Variants in CADPS observed in about 807,000 individuals in gnomAD.
CADPS encodes calcium dependent secretion activator.
In CADPS, 57 loss-of-function variants were observed where a neutral mutation model predicts 167.3. That is an observed-to-expected ratio of 0.34 (90% CI 0.28 to 0.42). CADPS has a LOEUF of 0.42. CADPS is among the 20% of genes least tolerant of loss of function. CADPS has a pLI of 1.00. For missense variants in CADPS, 1,414 were observed against 1,738.1 expected (o/e 0.81, Z 3.32); for synonymous variants, 676 against 635.3 (o/e 1.06, Z -0.96).
chr3:62,485,147 CG>C (rs149982564), intron 21 of CADPS, among the ~76,000 whole-genome samples: 14,637 of 151,796 alleles, frequency 0.096, 847 homozygotes, highest in East Asian at 0.23. Flanking sequence ...AAGAGTAAGA[CG>C]TTTTTAAGCG....
At position 62,433,536 on chromosome 3, in the gene CADPS, A is replaced by T. The variant is rs1311831880; in HGVS notation, c.3777+4568T>A. 4.6e-5 allele frequency among the ~76,000 whole-genome samples: 7 copies of T among 152,146 alleles called. No individual in the cohort carries two copies. Among genetic ancestry groups the T allele is most frequent in the African/African-American group, 1.4e-4 (6 of 41,440 alleles). Reference sequence around the variant, plus strand: ...GATTAAGTGTATAATTGACCTATATAATCCATGTATCATCTCCAGTCAAAT... The same window carrying T: ...GATTAAGTGTATAATTGACCTATATTATCCATGTATCATCTCCAGTCAAAT... On this transcript the variant is annotated intron_variant, in intron 28 of 29. Coordinates refer to ENST00000383710, the MANE Select transcript of CADPS (RefSeq NM_003716.4). The surrounding 1 kb of genome is among the most constrained non-coding windows in gnomAD (Gnocchi z 4.7).
intron 21 of CADPS, among the ~76,000 whole-genome samples, chr3:62,489,407 G>A (rs572669273): frequency 6.6e-6 from 1 of 152,284 alleles, no homozygotes; most frequent in African/African-American, 2.4e-5. Context: ...TGATCCACCC[G>A]CCTCGGCCTC....
Position 62,429,105 on chromosome 3 carries a change from TA to T in CADPS, c.3777+8998del, listed in dbSNP as rs529607614. On this transcript the variant is annotated intron_variant, in intron 28 of 29. Transcript: ENST00000383710. ...TCAGGAACTATCAGACTGCATCACA[TA>T]AATATTGTTTTATAAACTTTTGTTT... Among the ~76,000 whole-genome samples the T allele has an allele frequency of 4.7e-3, 712 of 152,366 alleles. 6 individuals carry two copies. The highest frequency in any genetic ancestry group is 0.016 in the African/African-American group (645 of 41,584).
chr3:62,776,520 G>A (rs954172239), intron 1 of CADPS, among the ~76,000 whole-genome samples: 8 of 152,192 alleles, frequency 5.3e-5, no homozygotes, highest in Non-Finnish European at 8.8e-5. Flanking sequence ...CGGGCATGGT[G>A]GCGGGCGCCT....
intron 1 of CADPS, among the ~76,000 whole-genome samples, chr3:62,843,882 G>C (rs375320554): frequency 8.6e-5 from 13 of 151,976 alleles, no homozygotes; most frequent in African/African-American, 3.1e-4. Flanking sequence ...TGAATCATTA[G>C]AAAGCAATTA....
intron 28 of CADPS, among the ~76,000 whole-genome samples, chr3:62,435,642 T>G (rs374432087): frequency 6.6e-5 from 10 of 152,172 alleles, no homozygotes; most frequent in African/African-American, 2.2e-4. Flanking sequence ...AAGAAACTTG[T>G]TATCTCTAAA....
intron 16 of CADPS, 50 bp from the exon 17 acceptor site, chr3:62,512,818 C>T (rs756346609): frequency 8.5e-6 from 13 of 1,531,852 alleles, no homozygotes; most frequent in Middle Eastern, 3.4e-4. Context: ...GAAACAAGAA[C>T]ACATATGCAG....
intron 1 of CADPS, among the ~76,000 whole-genome samples, chr3:62,774,890 A>G (rs1022303246): frequency 3.9e-5 from 6 of 152,156 alleles, no homozygotes; most frequent in African/African-American, 1.4e-4. Context: ...CCAAAGCCCA[A>G]GTGGTGGTAT....
intron 6 of CADPS, among the ~76,000 whole-genome samples, chr3:62,607,287 G>A (rs1054596693): frequency 1.3e-5 from 2 of 152,324 alleles, no homozygotes; most frequent in South Asian, 4.1e-4. Context: ...CCCACGGTGT[G>A]AGAGCTGCAC....
intron 2 of CADPS, among the ~76,000 whole-genome samples, chr3:62,760,849 T>C (rs903648835): frequency 3.9e-5 from 6 of 152,196 alleles, no homozygotes; most frequent in African/African-American, 1.4e-4. Flanking sequence ...AACCTGCAGT[T>C]TTAGCCTGCC....
At chr3:62,482,970 A>G (rs2150877510) in intron 21 of CADPS, among the ~76,000 whole-genome samples, 1 of 151,794 alleles carries the variant, frequency 6.6e-6, no homozygotes, top group Admixed American at 6.6e-5. Context: ...ACAAAACAAA[A>G]CCCCCAACTT....
intron 1 of CADPS, among the ~76,000 whole-genome samples, chr3:62,860,098 T>C (rs2080489656): frequency 6.6e-6 from 1 of 152,206 alleles, no homozygotes; most frequent in Non-Finnish European, 1.5e-5. Flanking sequence ...ATGTGGCTTT[T>C]ATATGCTTTT....
At chr3:62,564,359 C>A (rs142089035) in intron 9 of CADPS, among the ~76,000 whole-genome samples, 27 of 152,248 alleles carry the variant, frequency 1.8e-4, no homozygotes, top group Non-Finnish European at 3.8e-4. Context: ...GGCCACTTAT[C>A]CACTCTGAGC....
chr3:62,576,793 A>T (rs1281487433), intron 8 of CADPS, among the ~76,000 whole-genome samples: 3 of 146,548 alleles, frequency 2.0e-5, no homozygotes, highest in Non-Finnish European at 4.5e-5. Context: ...CTGTCTAAAA[A>T]AAAAAAAAAA....
rs72874494 is a variant in CADPS, at chr3:62,673,948, G to A, written c.889-11554C>T. Among the ~76,000 whole-genome samples the A allele has an allele frequency of 5.1e-3, 783 of 152,276 alleles. 9 individuals carry two copies. The highest frequency in any genetic ancestry group is 0.018 in the African/African-American group (743 of 41,562). On this transcript the variant is annotated intron_variant, in intron 3 of 29. Transcript: ENST00000383710. Reference sequence around the variant, plus strand: ...CAGGAAGTCCAGAAAAACATCCAGTGATGTTTAAAATACCTCTAATCAAAT... The same window carrying A: ...CAGGAAGTCCAGAAAAACATCCAGTAATGTTTAAAATACCTCTAATCAAAT...
At chr3:62,466,287 C>T (rs2059926551) in intron 25 of CADPS, 52 bp downstream of exon 25, 2 of 1,214,112 alleles carry the variant, frequency 1.6e-6, no homozygotes, top group African/African-American at 1.5e-5. Context: ...GAAATGGAGA[C>T]ATAACAAAGC....
intron 13 of CADPS, among the ~76,000 whole-genome samples, chr3:62,523,423 A>G (rs2071238415): frequency 6.6e-6 from 1 of 152,210 alleles, no homozygotes; most frequent in South Asian, 2.1e-4. Context: ...GTTTTGTGAA[A>G]TGAATTTACC....
intron 1 of CADPS, among the ~76,000 whole-genome samples, chr3:62,780,708 A>G (rs2091402315): frequency 6.6e-6 from 1 of 152,216 alleles, no homozygotes; most frequent in South Asian, 2.1e-4. Context: ...ACATTAACCA[A>G]TTTTGAATAT....
At chr3:62,616,021 T>TG (rs1431265075) in intron 6 of CADPS, among the ~76,000 whole-genome samples, 1 of 152,056 alleles carries the variant, frequency 6.6e-6, no homozygotes, top group East Asian at 1.9e-4. Context: ...GATGTCTATG[T>TG]GTTTTTTTTC....
Sources: gnomAD v4.1 joint callset for allele counts (sites outside exome capture counted in the v4.1 genomes callset) on GRCh38, gnomAD v4.1.1 for gene constraint, Gnocchi (gnomAD v3.1) non-coding constraint, MANE v1.5 for transcripts, NCBI Gene and HGNC (gene_info 2026-07-23, HGNC 2026-07-21) for gene names.